BTBD9: variants seen among roughly 807,000 people sequenced by gnomAD.
BTBD9 encodes the protein BTB/POZ domain-containing protein 9.
A neutral mutation model predicts 64.3 loss-of-function variants in BTBD9; 49 were observed. That is an observed-to-expected ratio of 0.76 (90% CI 0.61 to 0.97). The LOEUF (loss-of-function observed/expected upper bound fraction) is 0.97, where lower values mean the gene tolerates loss of function less well. Among genes scored for constraint, BTBD9 ranks in the 50% least tolerant of loss-of-function variants. BTBD9 has a pLI of 0.00. For synonymous variants in BTBD9, 260 were observed against 274.7 expected (o/e 0.95, Z 0.53); for missense variants, 598 against 762.1 (o/e 0.78, Z 2.53).
At position 38,505,964 on chromosome 6, in the gene BTBD9, CAAAAAAAA is replaced by C. The variant is rs59014161; in HGVS notation, c.1154+71628_1154+71635del. On this transcript the variant is annotated intron_variant, in intron 6 of 10. Transcript: ENST00000481247. ...TGGCAACAGCATGGCTCCGTCTCAACAAAAAAAAAAAAAAAAAAAAGGAACTCTTAATT... is the reference window on the plus strand; with the variant it reads ...TGGCAACAGCATGGCTCCGTCTCAACAAAAAAAAAAAAGGAACTCTTAATT... Among the ~76,000 whole-genome samples the C allele has an allele frequency of 4.4e-4, 36 of 82,626 alleles. 2 individuals carry two copies. The highest frequency in any genetic ancestry group is 1.4e-3 in the African/African-American group (35 of 24,428). 54.2% of individuals were successfully genotyped at this position (82,626 alleles called of 152,430 possible).
rs1224952567 is a variant in BTBD9, at chr6:38,370,005, C to T, written c.1155-24912G>A. Among the ~76,000 whole-genome samples the T allele has an allele frequency of 5.3e-5, 8 of 152,324 alleles. No individual in the cohort carries two copies. In the East Asian group the frequency reaches 7.7e-4, roughly 15 times the overall value. On this transcript the variant is annotated intron_variant, in intron 6 of 10. Transcript: ENST00000481247. ...AACAAAAATAACATCAGCTCGTGAGCGCTTTCCAGTCCCTATTCTGGTCTC... is the reference window on the plus strand; with the variant it reads ...AACAAAAATAACATCAGCTCGTGAGTGCTTTCCAGTCCCTATTCTGGTCTC...
chr6:38,396,956 T>TA (rs1433525974), intron 6 of BTBD9, among the ~76,000 whole-genome samples: 1 of 148,744 alleles, frequency 6.7e-6, no homozygotes, highest in Non-Finnish European at 1.5e-5. Flanking sequence ...GCCTGGAGTG[T>TA]AGTGGCGCAA....
chr6:38,444,461 A>G (rs970280348), intron 6 of BTBD9, among the ~76,000 whole-genome samples: 2 of 152,230 alleles, frequency 1.3e-5, no homozygotes, highest in African/African-American at 4.8e-5. Flanking sequence ...TAGCATATAG[A>G]ATAATTAGTT....
At chr6:38,472,853 T>G (rs1251088317) in intron 6 of BTBD9, among the ~76,000 whole-genome samples, 1 of 152,196 alleles carries the variant, frequency 6.6e-6, no homozygotes, top group Non-Finnish European at 1.5e-5. Context: ...ATTTCTATGA[T>G]TTCTTGGGGG....
At chr6:38,376,899 G>A (rs1765713938) in intron 6 of BTBD9, among the ~76,000 whole-genome samples, 1 of 152,122 alleles carries the variant, frequency 6.6e-6, no homozygotes, top group Non-Finnish European at 1.5e-5. Context: ...AATATACTAT[G>A]CCATAATTTC....
intron 6 of BTBD9, among the ~76,000 whole-genome samples, chr6:38,419,660 C>T (rs1030309450): frequency 3.9e-5 from 6 of 152,210 alleles, no homozygotes; most frequent in South Asian, 2.1e-4. Context: ...CACCTAAGGT[C>T]GCGATTTCAA....
intron 6 of BTBD9, 94 bp from the exon 7 acceptor site, chr6:38,345,187 AGT>A (rs752206310): frequency 1.1e-5 from 8 of 726,266 alleles, no homozygotes; most frequent in Non-Finnish European, 1.8e-5. Flanking sequence ...CTAAACATAG[AGT>A]GCACCAGGAT....
rs200796873 is a variant in BTBD9, at chr6:38,246,602, T to TAA, written c.1562+9805_1562+9806dup. On this transcript the variant is annotated intron_variant, in intron 9 of 10. Transcript: ENST00000481247. ...AAAATTAACACCAATGTTTGCCCTT[T>TAA]AAAAAAAAAAAACAGAAAAGAACAT... Among the ~76,000 whole-genome samples the TAA allele has an allele frequency of 1.8e-3, 264 of 144,552 alleles. 2 individuals are homozygous for TAA. The highest frequency in any genetic ancestry group is 5.8e-3 in the African/African-American group (228 of 39,570). The allele number at this position is 144,552 out of a possible 152,430, so 94.8% of individuals were successfully genotyped here.
intron 6 of BTBD9, among the ~76,000 whole-genome samples, chr6:38,406,920 C>T (rs1247372535): frequency 6.6e-6 from 1 of 152,062 alleles, no homozygotes; most frequent in Non-Finnish European, 1.5e-5. Context: ...TCACCATGCT[C>T]AAGGAAGCTC....
intron 9 of BTBD9, among the ~76,000 whole-genome samples, chr6:38,205,658 A>C (rs1482641826): frequency 6.6e-6 from 1 of 151,934 alleles, no homozygotes; most frequent in Non-Finnish European, 1.5e-5. Context: ...GTTATGGGAT[A>C]CTATCACTTG....
chr6:38,511,878 G>A (rs1772791214), intron 6 of BTBD9, among the ~76,000 whole-genome samples: 1 of 152,194 alleles, frequency 6.6e-6, no homozygotes, highest in African/African-American at 2.4e-5. Context: ...ATGTGTACAT[G>A]TAGAGGAAAG....
intron 6 of BTBD9, among the ~76,000 whole-genome samples, chr6:38,435,117 C>T (rs181668926): frequency 5.7e-5 from 8 of 139,922 alleles, no homozygotes; most frequent in Non-Finnish European, 1.2e-4. Flanking sequence ...TAGCTTGAAC[C>T]TGGAAGGCAG....
chr6:38,310,425 A>G (rs1436771037), intron 7 of BTBD9, among the ~76,000 whole-genome samples: 8 of 152,074 alleles, frequency 5.3e-5, no homozygotes, highest in Admixed American at 5.2e-4. Flanking sequence ...TTATCAGAAA[A>G]AAAAAAAAAT....
At position 38,608,478 on chromosome 6, in the gene BTBD9, T is replaced by G. The variant is rs555453891; in HGVS notation, c.-27-10357A>C. 6.6e-5 allele frequency among the ~76,000 whole-genome samples: 10 copies of G among 152,336 alleles called. No individual in the cohort carries two copies. In the East Asian group the frequency reaches 1.9e-3, roughly 29 times the overall value. On this transcript the variant is annotated intron_variant, in intron 1 of 10. Transcript: ENST00000481247. ...TGTAACATTCTTGCTCAGATTTAAA[T>G]TATATGATATTTTCCTAATTAATAA...
At chr6:38,418,685 G>A (rs1484275187) in intron 6 of BTBD9, among the ~76,000 whole-genome samples, 2 of 152,104 alleles carry the variant, frequency 1.3e-5, no homozygotes, top group Non-Finnish European at 2.9e-5. Flanking sequence ...TAGTCCCACA[G>A]CTATACTGTG....
At chr6:38,313,806 GT>G (rs1243593762) in intron 7 of BTBD9, among the ~76,000 whole-genome samples, 7 of 146,610 alleles carry the variant, frequency 4.8e-5, no homozygotes, top group African/African-American at 1.8e-4. Flanking sequence ...CTGGAGTGCA[GT>G]GGCGTCATCT....
intron 9 of BTBD9, among the ~76,000 whole-genome samples, chr6:38,243,954 C>T (rs1764097149): frequency 6.6e-6 from 1 of 152,178 alleles, no homozygotes; most frequent in Admixed American, 6.5e-5. Flanking sequence ...AAGCGTCAAT[C>T]ATGGTATAAT....
chr6:38,548,032 CTTCAAATT>C (rs768029929), intron 6 of BTBD9, among the ~76,000 whole-genome samples: 1 of 152,168 alleles, frequency 6.6e-6, no homozygotes, highest in Non-Finnish European at 1.5e-5. Context: ...CACAGCAATA[CTTCAAATT>C]TTCAAATTTT....
At chr6:38,499,986 T>C (rs1772122696) in intron 6 of BTBD9, among the ~76,000 whole-genome samples, 1 of 152,228 alleles carries the variant, frequency 6.6e-6, no homozygotes, top group Non-Finnish European at 1.5e-5. Flanking sequence ...AGTTAACAAT[T>C]TCTTAACTTG....
Sources: gnomAD v4.1 joint callset for allele counts (sites outside exome capture counted in the v4.1 genomes callset) on GRCh38, gnomAD v4.1.1 for gene constraint, MANE v1.5 for transcripts, NCBI Gene and HGNC (gene_info 2026-07-23, HGNC 2026-07-21) for gene names.